The following SCG5 variants were observed in gnomAD, a reference collection of about 807,000 sequenced individuals.
SCG5 encodes the protein neuroendocrine protein 7B2.
A neutral mutation model predicts 25.7 loss-of-function variants in SCG5; 18 were observed. The observed-to-expected ratio is 0.70, with a 90% CI of 0.48 to 1.04. The LOEUF (loss-of-function observed/expected upper bound fraction) is 1.04. Ranked by LOEUF, SCG5 falls within the 50% of genes least tolerant of loss-of-function variation. SCG5 has a pLI of 0.00. For missense variants in SCG5, 206 were observed against 259.8 expected (o/e 0.79, Z 1.42); for synonymous variants, 101 against 91.7 (o/e 1.10, Z -0.58).
In SCG5 at chr15:32,643,618, T is replaced by C. The variant is rs2053899880; in HGVS notation, c.26T>C (p.Met9Thr). The C allele has an allele frequency of 6.2e-7, 1 of 1,614,018 alleles. No homozygotes were observed. The change falls in exon 2 of 6, where the codon ATG becomes ACG. Residue 9 changes from methionine to threonine, a missense_variant. By Grantham distance (81) the Met-to-Thr change is moderately conservative. Coordinates refer to ENST00000300175, the MANE Select transcript of SCG5 (RefSeq NM_001144757.3). Reference sequence around the variant, plus strand: ...ATGGTCTCCAGGATGGTCTCTACCATGCTATCTGGCCTACTGTTTTGGCTG... The same window carrying C: ...ATGGTCTCCAGGATGGTCTCTACCACGCTATCTGGCCTACTGTTTTGGCTG... MVSRMVST[M>T]LSGLLFWLAS...
At chr15:32,659,071 G>A (rs2054172722) in intron 2 of SCG5, among the ~76,000 whole-genome samples, 1 of 152,114 alleles carries the variant, frequency 6.6e-6, no homozygotes, top group African/African-American at 2.4e-5. Context: ...AGCTACTCGG[G>A]AGGCTGAGGC....
chr15:32,661,059 A>C (rs989003305), intron 2 of SCG5, among the ~76,000 whole-genome samples: 1 of 152,230 alleles, frequency 6.6e-6, no homozygotes, highest in Non-Finnish European at 1.5e-5. Context: ...TGTATCTACT[A>C]TGTGCCAAAC....
intron 5 of SCG5, among the ~76,000 whole-genome samples, chr15:32,694,811 A>G (rs886502046): frequency 7.9e-5 from 12 of 152,348 alleles, no homozygotes; most frequent in African/African-American, 2.9e-4. Flanking sequence ...TTTAGCAGTC[A>G]GAATGTGAAA....
At chr15:32,696,455 T>C (rs2054965783) in intron 5 of SCG5, 59 bp from the exon 6 acceptor site, 3 of 1,177,482 alleles carry the variant, frequency 2.5e-6, no homozygotes, top group South Asian at 2.6e-5. Context: ...CTGAGATGTC[T>C]GTATCTGATG....
At chr15:32,694,206 T>C (rs745381852) in intron 5 of SCG5, among the ~76,000 whole-genome samples, 5 of 152,162 alleles carry the variant, frequency 3.3e-5, no homozygotes, top group Non-Finnish European at 7.3e-5. Context: ...ATCAAAAAAG[T>C]TCACCTGATT....
chr15:32,692,353 TC>T, intron 5 of SCG5: 1 of 888,724 alleles, frequency 1.1e-6, no homozygotes, highest in Non-Finnish European at 1.3e-6. Flanking sequence ...TTTTTAACCA[TC>T]CCAGGGCTGC....
At chr15:32,672,324 C>G (rs1240376914) in intron 2 of SCG5, among the ~76,000 whole-genome samples, 15 of 152,252 alleles carry the variant, frequency 9.9e-5, no homozygotes, top group Admixed American at 2.0e-4. Context: ...GCATGAATCC[C>G]CAGGGCTGCA....
At chr15:32,663,428 T>C (rs2054270991) in intron 2 of SCG5, among the ~76,000 whole-genome samples, 1 of 152,148 alleles carries the variant, frequency 6.6e-6, no homozygotes, top group Non-Finnish European at 1.5e-5. Flanking sequence ...TAGGTGGTCT[T>C]TTGTGGCTGT....
chr15:32,666,719 C>A (rs1052362670), intron 2 of SCG5, among the ~76,000 whole-genome samples: 1 of 152,152 alleles, frequency 6.6e-6, no homozygotes, highest in African/African-American at 2.4e-5. Flanking sequence ...AGAATTCTTG[C>A]AAAAAGCCTT....
At position 32,643,670 on chromosome 15, in the gene SCG5, T is replaced by G. The variant is rs1430601888; in HGVS notation, c.78T>G (p.Ala26=). 1 of 1,613,864 alleles carries G rather than the reference T, an allele frequency of 6.2e-7. No individual in the cohort carries two copies. The highest frequency in any genetic ancestry group is 2.2e-5 in the East Asian group (1 of 44,890). ...CATCTGGATGGACTCCAGCATTTGCTTACAGCCCCCGGACCCCTGACCGGG... is the reference window on the plus strand; with the variant it reads ...CATCTGGATGGACTCCAGCATTTGCGTACAGCCCCCGGACCCCTGACCGGG... The part of the protein sequence containing the change: ...WLASGWTPAF[A]YSPRTPDRVS... Residue 26 remains alanine, a synonymous_variant, in exon 2 of 6, where the codon GCT becomes GCG. Coordinates refer to ENST00000300175, the MANE Select transcript of SCG5 (RefSeq NM_001144757.3).
Position 32,644,607 on chromosome 15 carries a change from A to G in SCG5, c.226+789A>G, listed in dbSNP as rs1240706950. 2.6e-5 allele frequency among the ~76,000 whole-genome samples: 4 copies of G among 152,310 alleles called. No homozygotes were observed. In the East Asian group the frequency reaches 7.7e-4, roughly 29 times the overall value. On this transcript the variant is annotated intron_variant, in intron 2 of 5. Coordinates refer to ENST00000300175, the MANE Select transcript of SCG5 (RefSeq NM_001144757.3). ...TTCTATGAGCTGGTGATGCAGCGTT[A>G]GACAGATTCCTTATTTCCATGCTTT...
intron 2 of SCG5, among the ~76,000 whole-genome samples, chr15:32,645,346 T>TA (rs2053925493): frequency 6.6e-6 from 1 of 152,222 alleles, no homozygotes; most frequent in Non-Finnish European, 1.5e-5. Context: ...AAAGCCTCTT[T>TA]ATCCAGAGAC....
Position 32,660,183 on chromosome 15 carries a change from T to C in SCG5, c.226+16365T>C, listed in dbSNP as rs565222623. Among the ~76,000 whole-genome samples, 4 of 152,330 alleles carry C rather than the reference T, an allele frequency of 2.6e-5. No homozygotes were observed. In the South Asian group the frequency reaches 6.2e-4, roughly 24 times the overall value. ...TGGAGCCTGGTAAGGACCTCTGGCT[T>C]TTTTTACAGTCAGAGTTTTGGTGCC... On this transcript the variant is annotated intron_variant, in intron 2 of 5. Transcript: ENST00000300175.
chr15:32,662,756 G>A (rs2054241070), intron 2 of SCG5, among the ~76,000 whole-genome samples: 2 of 152,014 alleles, frequency 1.3e-5, no homozygotes. Flanking sequence ...AGAATGGCGA[G>A]AGAGGAGGTA....
In SCG5 at chr15:32,691,775, CT is replaced by C. The variant is rs762310146; in HGVS notation, c.543+13del. The C allele has an allele frequency of 1.9e-6, 3 of 1,611,866 alleles. No homozygotes were observed. The East Asian group carries it at 6.7e-5, about 36-fold the overall frequency. ...GACGAAAGCGGAGGGTAACACGTGC[CT>C]GGCTGGATTGTTGCGGGGATGCTTG... On this transcript the variant is annotated intron_variant, in intron 5 of 5. Coordinates refer to ENST00000300175, the MANE Select transcript of SCG5 (RefSeq NM_001144757.3).
rs114788988 is a variant in SCG5, at chr15:32,694,373, T to C, written c.544-2141T>C. Among the ~76,000 whole-genome samples the C allele has an allele frequency of 2.5e-3, 376 of 152,328 alleles. 1 individual carries two copies. The highest frequency in any genetic ancestry group is 8.7e-3 in the African/African-American group (361 of 41,580). On this transcript the variant is annotated intron_variant, in intron 5 of 5. Coordinates refer to ENST00000300175, the MANE Select transcript of SCG5 (RefSeq NM_001144757.3). ...ACTTTTTGTACTCACCCAAATCCAA[T>C]TGAATTCCTCATTGCTTCACAAATG...
chr15:32,695,683 C>T (rs972405600), intron 5 of SCG5, among the ~76,000 whole-genome samples: 1 of 152,026 alleles, frequency 6.6e-6, no homozygotes, highest in South Asian at 2.1e-4. Flanking sequence ...AAGAATCAAT[C>T]CCAGCAACAG....
At chr15:32,682,589 A>G (rs2054639157) in intron 3 of SCG5, among the ~76,000 whole-genome samples, 1 of 152,212 alleles carries the variant, frequency 6.6e-6, no homozygotes. Context: ...ACAAAATCCC[A>G]AATCCAGACA....
intron 3 of SCG5, among the ~76,000 whole-genome samples, chr15:32,683,842 GT>G (rs774517066): frequency 9.2e-5 from 14 of 152,220 alleles, no homozygotes; most frequent in Non-Finnish European, 1.8e-4. Flanking sequence ...TTGTTGTTGT[GT>G]AATGTACTTT....
Sources: allele counts gnomAD v4.1 joint callset (sites outside exome capture counted in the v4.1 genomes callset), GRCh38; gene constraint gnomAD v4.1.1; transcripts MANE v1.5; gene names NCBI Gene and HGNC (gene_info 2026-07-23, HGNC 2026-07-21).